The following ARID3A variants were observed in gnomAD, a reference collection of about 807,000 sequenced individuals.
ARID3A encodes the protein AT-rich interaction domain 3A, also known as AT-rich interactive domain-containing protein 3A.
ARID3A carries 11 observed loss-of-function variants against 52.7 expected under a neutral mutation model. The ratio of observed to expected loss-of-function variants is 0.21; its 90% CI spans 0.13 to 0.35. The LOEUF (loss-of-function observed/expected upper bound fraction) is 0.35, where lower values mean the gene tolerates loss of function less well. ARID3A is among the 10% of genes least tolerant of loss of function. ARID3A has a pLI of 1.00. For synonymous variants in ARID3A, 404 were observed against 359.4 expected (o/e 1.12, Z -1.40); for missense variants, 721 against 838.5 (o/e 0.86, Z 1.73).
At chr19:968,588 C>A in intron 8 of ARID3A, 85 bp downstream of exon 8, 1 of 1,287,820 alleles carries the variant, frequency 7.8e-7, no homozygotes, top group Non-Finnish European at 1.1e-6. Flanking sequence ...CCTGGTCCCA[C>A]CTGCTTGAAC....
In ARID3A at chr19:929,065, G is replaced by A. The variant is rs1054462985; in HGVS notation, c.-267-197G>A. On this transcript the variant is annotated intron_variant, in intron 1 of 8. Coordinates refer to ENST00000263620, the MANE Select transcript of ARID3A (RefSeq NM_005224.3). The surrounding 1 kb of genome is among the most constrained non-coding windows in gnomAD (Gnocchi z 6.2). ...CCACAGCGTGTTTCTCTGTGGCCCC[G>A]TGCGGGGCGACCTTGCTACCCAGGC... The A allele has an allele frequency of 8.4e-5, 13 of 155,330 alleles. No individual in the cohort carries two copies. Among genetic ancestry groups the A allele is most frequent in the East Asian group, 1.7e-4 (1 of 5,792 alleles). 9.6% of individuals were successfully genotyped at this position (155,330 alleles called of 1,614,324 possible). A position where few individuals can be genotyped will look rare whatever the true frequency, so the allele number is the denominator to read the frequency against.
At chr19:956,987 C>CCCCG (rs1414377648) in intron 3 of ARID3A, among the ~76,000 whole-genome samples, 1 of 152,216 alleles carries the variant, frequency 6.6e-6, no homozygotes, top group Non-Finnish European at 1.5e-5. Flanking sequence ...AGCCACATTC[C>CCCCG]CCCGAGCTTA....
At chr19:945,442 C>T (rs1410631229) in intron 3 of ARID3A, among the ~76,000 whole-genome samples, 3 of 151,862 alleles carry the variant, frequency 2.0e-5, no homozygotes, top group Non-Finnish European at 2.9e-5. Flanking sequence ...GTGTCCAGGG[C>T]GGCCCCAGCC....
chr19:936,530 G>A (rs751992361), intron 3 of ARID3A, among the ~76,000 whole-genome samples: 17 of 152,006 alleles, frequency 1.1e-4, no homozygotes, highest in Non-Finnish European at 2.1e-4. Flanking sequence ...GTGACAGAGC[G>A]AGACCCTGTC....
chr19:950,547 A>T (rs996376917), intron 3 of ARID3A, among the ~76,000 whole-genome samples: 1 of 152,198 alleles, frequency 6.6e-6, no homozygotes, highest in Non-Finnish European at 1.5e-5. Context: ...AGATGGCTGT[A>T]GCCATGTGGA....
chr19:930,168 A>T (rs2145345865), intron 2 of ARID3A, among the ~76,000 whole-genome samples: 1 of 152,218 alleles, frequency 6.6e-6, no homozygotes, highest in South Asian at 2.1e-4. Flanking sequence ...AGGCTGAGGC[A>T]GGAGGATCCC....
chr19:933,726 C>T (rs2037381021), intron 3 of ARID3A, among the ~76,000 whole-genome samples: 3 of 152,192 alleles, frequency 2.0e-5, no homozygotes, highest in South Asian at 2.1e-4. Context: ...TAAGGGGCGG[C>T]CCTAACCCCA....
intron 7 of ARID3A, among the ~76,000 whole-genome samples, chr19:968,165 C>T (rs1042875072): frequency 2.6e-5 from 4 of 151,912 alleles, no homozygotes; most frequent in African/African-American, 9.7e-5. Context: ...TCGAGACCAT[C>T]CTGGCCAACA....
rs567101774 is a variant in ARID3A at position 944,598 on chromosome 19, G to C, written c.693+11856G>C. ...CGGCCCTGGGAGGGCCCGACTGCCA[G>C]CCTGGCTGAACCTCCTTCATTGTCT... On this transcript the variant is annotated intron_variant, in intron 3 of 8. Transcript: ENST00000263620. The surrounding 1 kb of genome is among the most constrained non-coding windows in gnomAD (Gnocchi z 5.9). Among the ~76,000 whole-genome samples the C allele has an allele frequency of 3.9e-4, 59 of 152,294 alleles. No individual in the cohort carries two copies. Among genetic ancestry groups the C allele is most frequent in the African/African-American group, 1.3e-3 (52 of 41,576 alleles).
Position 975,267 on chromosome 19 carries a change from C to T in ARID3A, c.*3202C>T, listed in dbSNP as rs1438914276. ...GCCCCACAGTCAAGGCCAACGGGGG[C>T]TCCCCCTGCTCTGAGATGTTGGGAG... On this transcript the variant is annotated 3_prime_UTR_variant, in exon 9 of 9. Coordinates refer to ENST00000263620, the MANE Select transcript of ARID3A (RefSeq NM_005224.3). 4.3e-6 allele frequency: 1 copy of T among 231,548 alleles called. No individual in the cohort carries two copies. 14.3% of individuals were successfully genotyped at this position (231,548 alleles called of 1,614,324 possible).
intron 3 of ARID3A, among the ~76,000 whole-genome samples, chr19:954,610 TC>T (rs1390754616): frequency 6.6e-6 from 1 of 151,492 alleles, no homozygotes; most frequent in Non-Finnish European, 1.5e-5. Flanking sequence ...GGGCTGGGGG[TC>T]CAAGGGGGGC....
At position 929,512 on chromosome 19, in the gene ARID3A, G is replaced by A. The variant is rs1300801794; in HGVS notation, c.-17G>A. The A allele has an allele frequency of 2.7e-6, 4 of 1,503,656 alleles. No individual in the cohort carries two copies. Among genetic ancestry groups the A allele is most frequent in the African/African-American group, 2.9e-5 (2 of 69,162 alleles). 93.1% of individuals were successfully genotyped at this position (1,503,656 alleles called of 1,614,324 possible). On this transcript the variant is annotated 5_prime_UTR_variant, in exon 2 of 9. Transcript: ENST00000263620. The surrounding 1 kb of genome is among the most constrained non-coding windows in gnomAD (Gnocchi z 6.2). ...GGTGGTGGTGGTGGTGGTGGTGGTG[G>A]CCCGGGCCGCAGGGCCATGAAACTA...
intron 8 of ARID3A, 80 bp from the exon 9 acceptor site, chr19:971,798 C>A: frequency 6.8e-7 from 1 of 1,474,170 alleles, no homozygotes; most frequent in Non-Finnish European, 9.0e-7. Flanking sequence ...TTCCCCGGAG[C>A]ACCCCATTGG....
rs2038330296 is a variant in ARID3A at position 973,862 on chromosome 19, G to A, written c.*1797G>A. ...GGGGTTATTTTGGCTGGAGCTGCTGGAGCAGAAAGGCTGGGTCTGAAATGC... is the reference window on the plus strand; with the variant it reads ...GGGGTTATTTTGGCTGGAGCTGCTGAAGCAGAAAGGCTGGGTCTGAAATGC... On this transcript the variant is annotated 3_prime_UTR_variant, in exon 9 of 9. Transcript: ENST00000263620. 1 of 231,232 alleles carries A rather than the reference G, an allele frequency of 4.3e-6. No individual in the cohort carries two copies. The highest frequency in any genetic ancestry group is 8.6e-6 in the Non-Finnish European group (1 of 116,818). The allele number at this position is 231,232 out of a possible 1,614,324, so 14.3% of individuals were successfully genotyped here. A position where few individuals can be genotyped will look rare whatever the true frequency, so the allele number is the denominator to read the frequency against.
At chr19:965,494 T>G (rs1296934606) in intron 6 of ARID3A, among the ~76,000 whole-genome samples, 1 of 151,364 alleles carries the variant, frequency 6.6e-6, no homozygotes, top group Non-Finnish European at 1.5e-5. Context: ...GAGTTACCAT[T>G]TCTCATCTGG....
At position 964,941 on chromosome 19, in the gene ARID3A, C is replaced by G. The variant is rs1162910979; in HGVS notation, c.1059C>G (p.Ser353Arg). Reference sequence around the variant, plus strand: ...ACCGACGGGAGGGCCGGCGCCAGAGCTTTGGTGGCTCCCTCTTTGCCTACT... The same window carrying G: ...ACCGACGGGAGGGCCGGCGCCAGAGGTTTGGTGGCTCCCTCTTTGCCTACT... Reference protein sequence around the residue: ...DSNRREGRRQSFGGSLFAYSP... With the variant: ...DSNRREGRRQRFGGSLFAYSP... Residue 353 changes from serine to arginine, a missense_variant, in exon 6 of 9, where the codon AGC (serine) becomes AGG (arginine). Physicochemically the swap from Ser to Arg is moderately radical, Grantham distance 110. Transcript: ENST00000263620. This position sits in a 1 kb window ranked among gnomAD's most constrained non-coding sequence, Gnocchi z 5.7. 6.2e-7 allele frequency: 1 copy of G among 1,613,976 alleles called. No individual in the cohort carries two copies. Among genetic ancestry groups the G allele is most frequent in the Non-Finnish European group, 8.5e-7 (1 of 1,180,016 alleles).
chr19:950,777 C>T (rs908597376), intron 3 of ARID3A, among the ~76,000 whole-genome samples: 1 of 152,006 alleles, frequency 6.6e-6, no homozygotes, highest in Non-Finnish European at 1.5e-5. Context: ...AAAAGCAGCT[C>T]TTTCAGTTTA....
At chr19:951,645 T>C (rs1242086050) in intron 3 of ARID3A, among the ~76,000 whole-genome samples, 1 of 152,156 alleles carries the variant, frequency 6.6e-6, no homozygotes, top group African/African-American at 2.4e-5. Context: ...AATTCTCTTT[T>C]TCCCTCTGAC....
chr19:952,120 G>A (rs767484653), intron 3 of ARID3A, among the ~76,000 whole-genome samples: 15 of 151,534 alleles, frequency 9.9e-5, no homozygotes, highest in Non-Finnish European at 1.8e-4. Flanking sequence ...CAGCCTGAGC[G>A]ACAGAGCGAG....
Sources: gnomAD v4.1 joint callset for allele counts (sites outside exome capture counted in the v4.1 genomes callset) on GRCh38, gnomAD v4.1.1 for gene constraint, Gnocchi (gnomAD v3.1) non-coding constraint, MANE v1.5 for transcripts, NCBI Gene and HGNC (gene_info 2026-07-23, HGNC 2026-07-21) for gene names.